The following PMS1 variants were observed in gnomAD, a reference collection of about 807,000 sequenced individuals.
PMS1 encodes PMS1 protein homolog 1.
In PMS1, 79 loss-of-function variants were observed where a neutral mutation model predicts 93.1. That is an observed-to-expected ratio of 0.85 (90% CI 0.71 to 1.02). The LOEUF (loss-of-function observed/expected upper bound fraction) is 1.02, where lower values mean the gene tolerates loss of function less well. PMS1 is among the 50% of genes least tolerant of loss of function. PMS1 has a pLI of 0.00. For synonymous variants in PMS1, 335 were observed against 363.4 expected (o/e 0.92, Z 0.89); for missense variants, 1,064 against 1,085.3 (o/e 0.98, Z 0.28).
chr2:189,810,606 T>C (rs1409534947), intron 4 of PMS1, among the ~76,000 whole-genome samples: 2 of 152,176 alleles, frequency 1.3e-5, no homozygotes, highest in Non-Finnish European at 2.9e-5. Flanking sequence ...AGCAGGACTT[T>C]TGTTGAGTAA....
chr2:189,847,154 T>A (rs909048153), intron 6 of PMS1, among the ~76,000 whole-genome samples: 1 of 151,844 alleles, frequency 6.6e-6, no homozygotes, highest in African/African-American at 2.4e-5. Flanking sequence ...GATGATATGT[T>A]TTCTTCTATT....
chr2:189,827,809 TAGAG>T lies in PMS1; in HGVS notation c.582+9632_582+9635del, dbSNP rs1324047237. Among the ~76,000 whole-genome samples the T allele has an allele frequency of 2.6e-5, 4 of 151,538 alleles. No individual in the cohort carries two copies. The East Asian group carries it at 5.8e-4, about 22-fold the overall frequency. ...TCTAAGAAAGTTGATTTCATAGAAA[TAGAG>T]AGCAGAATAGTTGTTACCAGAAGCT... On this transcript the variant is annotated intron_variant, in intron 5 of 12. Transcript: ENST00000441310.
Position 189,844,021 on chromosome 2 carries a change from C to T in PMS1, c.640C>T (p.Leu214=). 6.2e-7 allele frequency: 1 copy of T among 1,613,936 alleles called. No homozygotes were observed. The highest frequency in any genetic ancestry group is 8.5e-7 in the Non-Finnish European group (1 of 1,179,942). ...TCACAAGATGGCTCTCATGTCAGTT[C>T]TGGGGACTGCTGTTATGAACAATAT... ...SDHKMALMSV[L]GTAVMNNMES... Residue 214 remains leucine (L), a synonymous_variant, in exon 6 of 13, where the codon CTG becomes TTG. Transcript: ENST00000441310.
At chr2:189,855,924 A>ATTGGAG in intron 9 of PMS1, 1 of 837,396 alleles carries the variant, frequency 1.2e-6, no homozygotes, top group Non-Finnish European at 1.5e-6. Context: ...CAGGTATCTG[A>ATTGGAG]GTATCTCAAT....
chr2:189,865,571 T>C (rs2056581000), intron 10 of PMS1, among the ~76,000 whole-genome samples: 1 of 152,188 alleles, frequency 6.6e-6, no homozygotes, highest in African/African-American at 2.4e-5. Context: ...TCATTGATGA[T>C]TTTTGCCTGA....
At chr2:189,864,592 G>A (rs1490374206) in intron 10 of PMS1, among the ~76,000 whole-genome samples, 1 of 139,412 alleles carries the variant, frequency 7.2e-6, no homozygotes, top group Admixed American at 7.4e-5. Flanking sequence ...GGAGGTGGAG[G>A]TTGCAGTGAG....
chr2:189,854,140 C>T lies in PMS1; in HGVS notation c.966+58C>T, dbSNP rs192366463. 92 of 1,382,472 alleles carry T rather than the reference C, an allele frequency of 6.7e-5. No homozygotes were observed. The African/African-American group carries it at 1.2e-3, about 19-fold the overall frequency. 85.6% of individuals were successfully genotyped at this position (1,382,472 alleles called of 1,614,324 possible). A position where few individuals can be genotyped will look rare whatever the true frequency, so the allele number is the denominator to read the frequency against. On this transcript the variant is annotated intron_variant, in intron 8 of 12. Transcript: ENST00000441310. Reference sequence around the variant, plus strand: ...ATTTATAAACATATATTACTGTTTTCATATAAAAAGATTTGTTTATATTTA... The same window carrying T: ...ATTTATAAACATATATTACTGTTTTTATATAAAAAGATTTGTTTATATTTA...
chr2:189,785,809 G>A (rs1279831362), intron 1 of PMS1, among the ~76,000 whole-genome samples: 4 of 152,162 alleles, frequency 2.6e-5, no homozygotes, highest in Admixed American at 6.5e-5. Flanking sequence ...AGCTGAGGAA[G>A]GAGTGAGTGT....
rs148323368 is a variant in PMS1 at position 189,836,851 on chromosome 2, A to G, written c.583-7113A>G. Among the ~76,000 whole-genome samples, 366 of 152,334 alleles carry G rather than the reference A, an allele frequency of 2.4e-3. 3 individuals are homozygous for G. The highest frequency in any genetic ancestry group is 0.02 in the Middle Eastern group (6 of 294). On this transcript the variant is annotated intron_variant, in intron 5 of 12. Coordinates refer to ENST00000441310, the MANE Select transcript of PMS1 (RefSeq NM_000534.5). Reference sequence around the variant, plus strand: ...GTTCTCATGTTTCACAGCTTTTTCTAGGACCGATTTCCTGAAGTGATCTTT... The same window carrying G: ...GTTCTCATGTTTCACAGCTTTTTCTGGGACCGATTTCCTGAAGTGATCTTT...
At chr2:189,859,465 A>G (rs1490509968) in intron 9 of PMS1, among the ~76,000 whole-genome samples, 2 of 152,162 alleles carry the variant, frequency 1.3e-5, no homozygotes, top group African/African-American at 2.4e-5. Context: ...AATTCTGGGT[A>G]TGTACTGGAA....
At chr2:189,821,211 C>T (rs1035658643) in intron 5 of PMS1, among the ~76,000 whole-genome samples, 2 of 151,998 alleles carry the variant, frequency 1.3e-5, no homozygotes, top group African/African-American at 2.4e-5. Context: ...AATCCCAGCA[C>T]TTTGGGAGGC....
At chr2:189,800,568 C>T (rs1242902629) in intron 3 of PMS1, among the ~76,000 whole-genome samples, 3 of 152,022 alleles carry the variant, frequency 2.0e-5, no homozygotes, top group Admixed American at 6.6e-5. Flanking sequence ...CCTTAGCACT[C>T]AGAAAGAATT....
intron 5 of PMS1, among the ~76,000 whole-genome samples, chr2:189,841,016 A>C (rs1395257668): frequency 1.3e-5 from 2 of 152,334 alleles, no homozygotes; most frequent in East Asian, 3.9e-4. Context: ...ACTTTTTGAG[A>C]ATTCCCAATT....
At chr2:189,860,160 C>T (rs1339292172) in intron 9 of PMS1, among the ~76,000 whole-genome samples, 1 of 152,170 alleles carries the variant, frequency 6.6e-6, no homozygotes, top group Non-Finnish European at 1.5e-5. Flanking sequence ...TGTGTACACA[C>T]ACATAAACAT....
At chr2:189,827,555 A>AG (rs1232821159) in intron 5 of PMS1, among the ~76,000 whole-genome samples, 1 of 152,252 alleles carries the variant, frequency 6.6e-6, no homozygotes, top group African/African-American at 2.4e-5. Flanking sequence ...ATGGTTATGC[A>AG]GATCTCTTTG....
intron 5 of PMS1, among the ~76,000 whole-genome samples, chr2:189,831,337 A>G (rs562612381): frequency 1.3e-5 from 2 of 152,338 alleles, no homozygotes; most frequent in South Asian, 2.1e-4. Context: ...AGTACTCTAC[A>G]GGGAGGAGCT....
At chr2:189,824,016 T>C (rs1320930769) in intron 5 of PMS1, among the ~76,000 whole-genome samples, 3 of 152,198 alleles carry the variant, frequency 2.0e-5, no homozygotes, top group Admixed American at 6.5e-5. Flanking sequence ...AATGTTTTAC[T>C]AAAAGTTTAT....
chr2:189,860,073 G>GT (rs5743158), intron 9 of PMS1, among the ~76,000 whole-genome samples: 3 of 151,998 alleles, frequency 2.0e-5, no homozygotes, highest in African/African-American at 7.2e-5. Context: ...TTCTTAAATG[G>GT]TTTTTTTAAC....
At chr2:189,795,340 T>G (rs1247465896) in intron 2 of PMS1, among the ~76,000 whole-genome samples, 1 of 152,230 alleles carries the variant, frequency 6.6e-6, no homozygotes, top group Non-Finnish European at 1.5e-5. Context: ...ATAATGATAC[T>G]TGCTAGGTTC....
Sources: gnomAD v4.1 joint callset for allele counts (sites outside exome capture counted in the v4.1 genomes callset) on GRCh38, gnomAD v4.1.1 for gene constraint, MANE v1.5 for transcripts, NCBI Gene and HGNC (gene_info 2026-07-23, HGNC 2026-07-21) for gene names.